TGM6: variants seen among roughly 807,000 people sequenced by gnomAD.
The protein encoded by TGM6 is protein-glutamine gamma-glutamyltransferase 6.
A neutral mutation model predicts 77.5 loss-of-function variants in TGM6; 74 were observed. The observed-to-expected ratio is 0.96, with a 90% CI of 0.79 to 1.16. The LOEUF (loss-of-function observed/expected upper bound fraction) is 1.16, where lower values mean the gene tolerates loss of function less well. TGM6 is among the 50% of genes most tolerant of loss of function. TGM6 has a pLI of 0.00. For missense variants in TGM6, 968 were observed against 940.2 expected (o/e 1.03, Z -0.39); for synonymous variants, 383 against 378.9 (o/e 1.01, Z -0.12).
intron 1 of TGM6, among the ~76,000 whole-genome samples, chr20:2,385,702 G>A (rs566199386): frequency 6.6e-6 from 1 of 152,344 alleles, no homozygotes; most frequent in South Asian, 2.1e-4. Context: ...AGCGTGAGCA[G>A]CTGACAGGGT....
intron 10 of TGM6, among the ~76,000 whole-genome samples, chr20:2,418,535 C>T (rs1002217416): frequency 6.6e-6 from 1 of 152,142 alleles, no homozygotes; most frequent in African/African-American, 2.4e-5. Flanking sequence ...TGACCAAGAC[C>T]AGGAAGGGGC....
chr20:2,401,895 G>A (rs922366478), intron 7 of TGM6, among the ~76,000 whole-genome samples: 1 of 152,158 alleles, frequency 6.6e-6, no homozygotes, highest in Admixed American at 6.5e-5. Context: ...TTGTTCAAAT[G>A]TCTGTTCACA....
chr20:2,411,535 A>G (rs2122394795), intron 9 of TGM6, among the ~76,000 whole-genome samples: 1 of 152,338 alleles, frequency 6.6e-6, no homozygotes, highest in South Asian at 2.1e-4. Context: ...AGCTACAGCT[A>G]AAATGATACT....
At chr20:2,388,236 A>G (rs926374588) in intron 1 of TGM6, among the ~76,000 whole-genome samples, 4 of 152,226 alleles carry the variant, frequency 2.6e-5, no homozygotes, top group Admixed American at 1.3e-4. Flanking sequence ...CATGCTGTTA[A>G]CTAAAAGATT....
chr20:2,416,599 A>G (rs2084818157), intron 9 of TGM6, among the ~76,000 whole-genome samples: 1 of 152,168 alleles, frequency 6.6e-6, no homozygotes, highest in African/African-American at 2.4e-5. Flanking sequence ...TGCCTTGAAA[A>G]GGGGTAGTAA....
At chr20:2,389,637 A>T (rs1381248024) in intron 1 of TGM6, among the ~76,000 whole-genome samples, 1 of 152,180 alleles carries the variant, frequency 6.6e-6, no homozygotes, top group African/African-American at 2.4e-5. Flanking sequence ...TCCACTTTTT[A>T]AAAAATTGTA....
intron 1 of TGM6, among the ~76,000 whole-genome samples, chr20:2,393,194 C>T (rs377244040): frequency 2.4e-4 from 37 of 152,350 alleles, no homozygotes; most frequent in African/African-American, 4.6e-4. Flanking sequence ...GCACAGAGTG[C>T]GGAAAAATTG....
At chr20:2,388,577 G>T (rs2084610854) in intron 1 of TGM6, among the ~76,000 whole-genome samples, 1 of 150,098 alleles carries the variant, frequency 6.7e-6, no homozygotes, top group Non-Finnish European at 1.5e-5. Flanking sequence ...TTGGAGACCA[G>T]CCTGGTCAAC....
chr20:2,382,455 G>A (rs2084562275), intron 1 of TGM6, among the ~76,000 whole-genome samples: 1 of 152,198 alleles, frequency 6.6e-6, no homozygotes, highest in South Asian at 2.1e-4. Flanking sequence ...AAACTTGACA[G>A]TGCGAAGGTT....
At chr20:2,422,194 G>A (rs2084861443) in intron 10 of TGM6, among the ~76,000 whole-genome samples, 1 of 152,300 alleles carries the variant, frequency 6.6e-6, no homozygotes, top group African/African-American at 2.4e-5. Context: ...TTATCTTTAA[G>A]AGTTCTGTAG....
At chr20:2,413,498 G>C (rs1233117061) in intron 9 of TGM6, among the ~76,000 whole-genome samples, 1 of 152,134 alleles carries the variant, frequency 6.6e-6, no homozygotes, top group Non-Finnish European at 1.5e-5. Flanking sequence ...ATAGATCAAA[G>C]AAACTGAACT....
intron 9 of TGM6, among the ~76,000 whole-genome samples, chr20:2,413,919 C>T (rs760548106): frequency 6.6e-6 from 1 of 152,138 alleles, no homozygotes. Context: ...AGAACTTGTC[C>T]TGCAAACAGC....
At chr20:2,405,164 G>A (rs2084741095) in intron 9 of TGM6, among the ~76,000 whole-genome samples, 2 of 152,152 alleles carry the variant, frequency 1.3e-5, no homozygotes, top group African/African-American at 4.8e-5. Flanking sequence ...GTCCCAACAG[G>A]CCAGCCCATG....
At chr20:2,409,672 A>T (rs2084772930) in intron 9 of TGM6, among the ~76,000 whole-genome samples, 3 of 151,774 alleles carry the variant, frequency 2.0e-5, no homozygotes, top group African/African-American at 4.8e-5. Flanking sequence ...AGATCAGGCC[A>T]CTGCACTCCA....
At chr20:2,422,629 T>C (rs1325918326) in intron 10 of TGM6, among the ~76,000 whole-genome samples, 1 of 152,092 alleles carries the variant, frequency 6.6e-6, no homozygotes, top group Non-Finnish European at 1.5e-5. Flanking sequence ...ACTTTACGGC[T>C]ATAAAATGCT....
chr20:2,394,101 C>T (rs2122344091), intron 1 of TGM6, among the ~76,000 whole-genome samples: 1 of 152,104 alleles, frequency 6.6e-6, no homozygotes, highest in East Asian at 2.0e-4. Flanking sequence ...ACCAGTTTGA[C>T]CAACATGGCA....
At chr20:2,424,781 C>T (rs1033171389) in intron 10 of TGM6, among the ~76,000 whole-genome samples, 2 of 152,170 alleles carry the variant, frequency 1.3e-5, no homozygotes, top group African/African-American at 2.4e-5. Flanking sequence ...TTAATCATTT[C>T]TAGCTTTTGA....
At chr20:2,424,445 C>T (rs2084875078) in intron 10 of TGM6, among the ~76,000 whole-genome samples, 2 of 152,176 alleles carry the variant, frequency 1.3e-5, no homozygotes, top group Admixed American at 6.6e-5. Context: ...CCTGTGCTAG[C>T]TTCAAACTTG....
chr20:2,384,747 A>G (rs2084582746), intron 1 of TGM6, among the ~76,000 whole-genome samples: 1 of 152,174 alleles, frequency 6.6e-6, no homozygotes, highest in African/African-American at 2.4e-5. Flanking sequence ...CGCTGAGAAG[A>G]CGATGAGAGG....
Sources: allele counts gnomAD v4.1 joint callset (sites outside exome capture counted in the v4.1 genomes callset), GRCh38; gene constraint gnomAD v4.1.1; transcripts MANE v1.5; gene names NCBI Gene and HGNC (gene_info 2026-07-23, HGNC 2026-07-21).